DBR1: variants seen among roughly 807,000 people sequenced by gnomAD.
DBR1 encodes lariat debranching enzyme.
A neutral mutation model predicts 45.9 loss-of-function variants in DBR1; 33 were observed. That is an observed-to-expected ratio of 0.72 (90% CI 0.55 to 0.96). The LOEUF (loss-of-function observed/expected upper bound fraction) is 0.96, where lower values mean the gene tolerates loss of function less well. Among genes scored for constraint, DBR1 ranks in the 40% least tolerant of loss-of-function variants. DBR1 has a pLI of 0.00. For synonymous variants in DBR1, 235 were observed against 235.9 expected (o/e 1.00, Z 0.04); for missense variants, 619 against 667.4 (o/e 0.93, Z 0.80).
chr3:138,174,856 C>A lies in DBR1; in HGVS notation c.-61G>T. On this transcript the variant is annotated 5_prime_UTR_variant, in exon 1 of 8. Transcript: ENST00000260803. ...GCCCTACACCACAGCCAGCCCAGGACCGACTGATCGCTCAGCTCCCGCCAA... is the reference window on the plus strand; with the variant it reads ...GCCCTACACCACAGCCAGCCCAGGAACGACTGATCGCTCAGCTCCCGCCAA... The A allele has an allele frequency of 6.6e-7, 1 of 1,524,100 alleles. No individual in the cohort carries two copies. The highest frequency in any genetic ancestry group is 2.3e-5 in the East Asian group (1 of 42,776). 94.4% of individuals were successfully genotyped at this position (1,524,100 alleles called of 1,614,324 possible).
Position 138,174,869 on chromosome 3 carries a change from C to T in DBR1, c.-74G>A. The T allele has an allele frequency of 1.4e-6, 2 of 1,431,084 alleles. No homozygotes were observed. Among genetic ancestry groups the T allele is most frequent in the South Asian group, 1.3e-5 (1 of 78,890 alleles). The allele number at this position is 1,431,084 out of a possible 1,614,324, so 88.6% of individuals were successfully genotyped here. A position where few individuals can be genotyped will look rare whatever the true frequency, so the allele number is the denominator to read the frequency against. On this transcript the variant is annotated 5_prime_UTR_variant, in exon 1 of 8. Coordinates refer to ENST00000260803, the MANE Select transcript of DBR1 (RefSeq NM_016216.4). ...GCCAGCCCAGGACCGACTGATCGCTCAGCTCCCGCCAACTTTAATAAGTAT... is the reference window on the plus strand; with the variant it reads ...GCCAGCCCAGGACCGACTGATCGCTTAGCTCCCGCCAACTTTAATAAGTAT...
rs771020405 is a variant in DBR1 at position 138,163,777 on chromosome 3, C to A, written c.795+1G>T. ...TTATAAAGCCACTTCACTCTTCTTA[C>A]CTGAAGAAAATCTCTATGTGGTAAG... On this transcript the variant is annotated splice_donor_variant, in intron 6 of 7. Coordinates refer to ENST00000260803, the MANE Select transcript of DBR1 (RefSeq NM_016216.4). LOFTEE classifies it high-confidence loss of function. 6.2e-7 allele frequency: 1 copy of A among 1,608,210 alleles called. No individual in the cohort carries two copies. The highest frequency in any genetic ancestry group is 1.7e-5 in the Admixed American group (1 of 59,776).
At chr3:138,166,190 TAC>T (rs755329094) in intron 5 of DBR1, among the ~76,000 whole-genome samples, 39 of 152,228 alleles carry the variant, frequency 2.6e-4, no homozygotes, top group Non-Finnish European at 4.7e-4. Context: ...CAGCATTTTC[TAC>T]ACAGTTTTCC....
At position 138,163,419 on chromosome 3, in the gene DBR1, C is replaced by A. The variant is rs768434783; in HGVS notation, c.871G>T (p.Ala291Ser). 6.8e-6 allele frequency: 11 copies of A among 1,613,842 alleles called. No homozygotes were observed. The highest frequency in any genetic ancestry group is 8.5e-6 in the Non-Finnish European group (10 of 1,179,764). ...YDIEWLTILR[A>S]TDDLINVTGR... is the part of the protein sequence containing the mutation. ...GTCACATTAATAAGATCATCCGTAG[C>A]CCTGAGAATAGTGAGCCATTCAATA... The change falls in exon 7 of 8, where the codon GCT becomes TCT. Residue 291 changes from alanine to serine, a missense_variant. This residue lies in a region of DBR1 where 430 missense variants were observed against 447.7 expected (regional missense o/e 0.96). Coordinates refer to ENST00000260803, the MANE Select transcript of DBR1 (RefSeq NM_016216.4).
chr3:138,171,650 G>C lies in DBR1; in HGVS notation c.386C>G (p.Ser129Cys). ...RIGGISGIFK[S>C]HDYRKGHFEC... ...AACAATACCTTTTCGATAGTCATGA[G>C]ATTTAAAGATACCAGAGATTCCACC... is the stretch of plus-strand genomic sequence containing the variant. Residue 129 changes from serine (S) to cysteine (C), a missense_variant, in exon 3 of 8, where the codon TCT (serine) becomes TGT (cysteine). Around this residue, in one of 3 missense-constraint regions of DBR1, gnomAD observed 430 missense variants for 447.7 expected, o/e 0.96. Coordinates refer to ENST00000260803, the MANE Select transcript of DBR1 (RefSeq NM_016216.4). 2 of 1,612,966 alleles carry C rather than the reference G, an allele frequency of 1.2e-6. No individual in the cohort carries two copies. Among genetic ancestry groups the C allele is most frequent in the Non-Finnish European group, 1.7e-6 (2 of 1,179,112 alleles).
intron 5 of DBR1, among the ~76,000 whole-genome samples, chr3:138,164,637 G>A (rs1254421886): frequency 1.3e-5 from 2 of 152,006 alleles, no homozygotes; most frequent in Non-Finnish European, 2.9e-5. Context: ...CTTAAAATGT[G>A]GTTTTTTTCT....
At chr3:138,164,940 C>A (rs1257498841) in intron 5 of DBR1, among the ~76,000 whole-genome samples, 1 of 152,084 alleles carries the variant, frequency 6.6e-6, no homozygotes, top group African/African-American at 2.4e-5. Context: ...AGCCACCATG[C>A]CAAAACATAT....
intron 5 of DBR1, among the ~76,000 whole-genome samples, chr3:138,164,641 TTTTTC>T (rs1342081548): frequency 2.0e-5 from 3 of 152,178 alleles, no homozygotes; most frequent in Non-Finnish European, 2.9e-5. Flanking sequence ...AAATGTGGTT[TTTTTC>T]TTTTCTTTTC....
rs767196310 is a variant in DBR1, at chr3:138,162,077, C to A, written c.1447G>T (p.Val483Leu). 6.2e-7 allele frequency: 1 copy of A among 1,614,154 alleles called. No homozygotes were observed. The part of the protein sequence containing the change: ...GSMIVSSDDT[V>L]DSTIDREGKP... ...CCCTCTCTATCAATTGTGGAATCCA[C>A]CGTATCATCAGAAGATACAATCATA... Residue 483 changes from valine to leucine, a missense_variant, in exon 8 of 8, where the codon GTG becomes TTG. By Grantham distance (32) the Val-to-Leu change is conservative. This residue lies in a region of DBR1 where 182 missense variants were observed against 196.1 expected (regional missense o/e 0.93). Transcript: ENST00000260803.
At position 138,162,378 on chromosome 3, in the gene DBR1, C is replaced by T; in HGVS notation, c.1146G>A (p.Arg382=). Residue 382 remains arginine, a synonymous_variant, in exon 8 of 8, where the codon AGG becomes AGA. Coordinates refer to ENST00000260803, the MANE Select transcript of DBR1 (RefSeq NM_016216.4). Reference sequence around the variant, plus strand: ...GATGTTCTTCCTTGGACTTCTGAAGCCTAACATTGATGTCTATGATGCCAA... The same window carrying T: ...GATGTTCTTCCTTGGACTTCTGAAGTCTAACATTGATGTCTATGATGCCAA... ...AQLGIIDINV[R]LQKSKEEHHV... is the part of the protein sequence containing the mutation. The T allele has an allele frequency of 6.2e-7, 1 of 1,614,122 alleles. No individual in the cohort carries two copies.
chr3:138,171,413 T>TGTA (rs2042953859), intron 3 of DBR1: 2 of 339,268 alleles, frequency 5.9e-6, no homozygotes, highest in Non-Finnish European at 1.0e-5. Context: ...AGGTGGAGGT[T>TGTA]GTAGTGAGCC....
Position 138,161,935 on chromosome 3 carries a change from T to C in DBR1, c.1589A>G (p.Gln530Arg). 6.2e-7 allele frequency: 1 copy of C among 1,614,174 alleles called. No homozygotes were observed. Among genetic ancestry groups the C allele is most frequent in the Non-Finnish European group, 8.5e-7 (1 of 1,180,026 alleles). The change falls in exon 8 of 8, where the codon CAA (glutamine) becomes CGA (arginine). Residue 530 changes from glutamine to arginine, a missense_variant. Transcript: ENST00000260803. ...ATCATCCACTGCAGCGTAAATGGCT[T>C]GATTCCTCCTCTTAATTTTCTTTCT... ...EQRKKIKRRNQAIYAAVDDDD... is the reference protein window; with the variant it reads ...EQRKKIKRRNRAIYAAVDDDD...
At chr3:138,172,833 G>C (rs980756424) in intron 2 of DBR1, among the ~76,000 whole-genome samples, 1 of 152,128 alleles carries the variant, frequency 6.6e-6, no homozygotes, top group African/African-American at 2.4e-5. Context: ...TCAGAGTCAT[G>C]ACAACCAAAT....
At position 138,163,369 on chromosome 3, in the gene DBR1, T is replaced by C. The variant is rs910757789; in HGVS notation, c.921A>G (p.Glu307=). ...NVTGRLWNMP[E]NNGLHARWDY... is the part of the protein sequence containing the mutation. Reference sequence around the variant, plus strand: ...CTTACCTTGCATGCAGGCCATTATTTTCTGGCATATTCCACAGGCGCCCAG... The same window carrying C: ...CTTACCTTGCATGCAGGCCATTATTCTCTGGCATATTCCACAGGCGCCCAG... The change falls in exon 7 of 8, where the codon GAA becomes GAG. Residue 307 remains glutamate, a synonymous_variant. Coordinates refer to ENST00000260803, the MANE Select transcript of DBR1 (RefSeq NM_016216.4). The C allele has an allele frequency of 6.2e-7, 1 of 1,613,614 alleles. No homozygotes were observed. Among genetic ancestry groups the C allele is most frequent in the African/African-American group, 1.3e-5 (1 of 74,922 alleles).
intron 6 of DBR1, 61 bp downstream of exon 6, chr3:138,163,717 A>G (rs1269184357): frequency 1.6e-6 from 2 of 1,245,642 alleles, no homozygotes; most frequent in Non-Finnish European, 2.2e-6. Context: ...AAGGAAAATT[A>G]TATTTTTTTA....
At position 138,162,242 on chromosome 3, in the gene DBR1, C is replaced by G. The variant is rs36061810; in HGVS notation, c.1282G>C (p.Glu428Gln). ...TCTTCTTCTTCATCTAACATTATTT[C>G]ATCTGGATTAATAGAAGACAGAGCA... The part of the protein sequence containing the change: ...TSALSSINPD[E>Q]IMLDEEEDED... Residue 428 changes from glutamate to glutamine, a missense_variant, in exon 8 of 8, where the codon GAA (glutamate) becomes CAA (glutamine). Physicochemically the swap from Glu to Gln is conservative, Grantham distance 29. This residue lies in a region of DBR1 where 182 missense variants were observed against 196.1 expected (regional missense o/e 0.93). Coordinates refer to ENST00000260803, the MANE Select transcript of DBR1 (RefSeq NM_016216.4). The G allele has an allele frequency of 0.012, 19,903 of 1,614,148 alleles. 171 individuals are homozygous for G. Among genetic ancestry groups the G allele is most frequent in the Non-Finnish European group, 0.015 (17,767 of 1,180,014 alleles).
Position 138,167,242 on chromosome 3 carries a change from T to G in DBR1, c.553A>C (p.Asn185His). The G allele has an allele frequency of 6.2e-7, 1 of 1,613,728 alleles. No individual in the cohort carries two copies. The highest frequency in any genetic ancestry group is 8.5e-7 in the Non-Finnish European group (1 of 1,179,810). ...DWPRSIYHYG[N>H]KKQLLKTKSF... ...TTAGTCTTAAGAAGTTGCTTCTTAT[T>G]TCCATAATGATATATACTTCTTGGC... The change falls in exon 5 of 8, where the codon AAT becomes CAT. Residue 185 changes from asparagine to histidine, a missense_variant. Physicochemically the swap from Asn to His is moderately conservative, Grantham distance 68. Transcript: ENST00000260803.
chr3:138,171,697 TACC>T lies in DBR1; in HGVS notation c.336_338del (p.Val113del). On this transcript the variant is annotated inframe_deletion, in exon 3 of 8. Coordinates refer to ENST00000260803, the MANE Select transcript of DBR1 (RefSeq NM_016216.4). ...CACCGATCCTTACACCTCGGTATTT[TACC>T]ACACCAGCCAAACCTAAACAATACA... 6.2e-7 allele frequency: 1 copy of T among 1,613,492 alleles called. No individual in the cohort carries two copies.
chr3:138,167,057 A>C, intron 5 of DBR1, 24 bp downstream of exon 5: 1 of 1,600,948 alleles, frequency 6.2e-7, no homozygotes. Flanking sequence ...TGTTAAATGA[A>C]AGAATAAACA....
Sources: allele counts gnomAD v4.1 joint callset (sites outside exome capture counted in the v4.1 genomes callset), GRCh38; gene constraint gnomAD v4.1.1; regional missense constraint gnomAD v4.1.1; transcripts MANE v1.5; gene names NCBI Gene and HGNC (gene_info 2026-07-23, HGNC 2026-07-21).